Variants in CSMD1 observed in about 807,000 individuals in gnomAD.
CSMD1 encodes the protein CUB and sushi domain-containing protein 1.
A neutral mutation model predicts 417.5 loss-of-function variants in CSMD1; 213 were observed. That is an observed-to-expected ratio of 0.51 (90% CI 0.46 to 0.57). The LOEUF (loss-of-function observed/expected upper bound fraction) is 0.57. Ranked by LOEUF, CSMD1 falls within the 20% of genes least tolerant of loss-of-function variation. The probability of loss-of-function intolerance (pLI) is 0.00; values close to 1 mark genes in which losing one functional copy is unlikely to be tolerated. For synonymous variants in CSMD1, 2,862 were observed against 1,736.8 expected (o/e 1.65, Z -16.11); for missense variants, 6,923 against 4,529.7 (o/e 1.53, Z -15.17).
At chr8:2,993,317 C>T (rs774273448) in intron 54 of CSMD1, among the ~76,000 whole-genome samples, 1 of 152,266 alleles carries the variant, frequency 6.6e-6, no homozygotes, top group South Asian at 2.1e-4. Context: ...TCTAAATCAT[C>T]CCCCTTGTTG....
rs140087430 is a variant in CSMD1 at position 4,202,281 on chromosome 8, T to C, written c.416-170182A>G. On this transcript the variant is annotated intron_variant, in intron 3 of 69. Transcript: ENST00000635120. ...AAGATTTTATTCATGTTACTGATTA[T>C]GCTTTAAAAAAATGAAGCATCTGCC... 1.1e-3 allele frequency among the ~76,000 whole-genome samples: 172 copies of C among 152,284 alleles called. 3 individuals are homozygous for C. Among genetic ancestry groups the C allele is most frequent in the African/African-American group, 3.9e-3 (164 of 41,552 alleles).
chr8:4,701,065 G>T (rs181649361), intron 1 of CSMD1, among the ~76,000 whole-genome samples: 2 of 152,154 alleles, frequency 1.3e-5, no homozygotes, highest in African/African-American at 2.4e-5. Flanking sequence ...ACATCTGATA[G>T]ATGAGTTTTA....
intron 25 of CSMD1, among the ~76,000 whole-genome samples, chr8:3,285,106 T>A (rs1034057830): frequency 6.6e-6 from 1 of 152,146 alleles, no homozygotes; most frequent in African/African-American, 2.4e-5. Flanking sequence ...TTAGCAGCCC[T>A]GAATGGGTCT....
chr8:3,823,609 GAATCA>G (rs1364294189), intron 5 of CSMD1, among the ~76,000 whole-genome samples: 2 of 151,934 alleles, frequency 1.3e-5, no homozygotes, highest in Non-Finnish European at 2.9e-5. Context: ...ACTTATGCTT[GAATCA>G]AATAACATTT....
At chr8:4,475,866 C>A (rs546605204) in intron 2 of CSMD1, among the ~76,000 whole-genome samples, 1 of 152,040 alleles carries the variant, frequency 6.6e-6, no homozygotes, top group Non-Finnish European at 1.5e-5. Context: ...ACCTGCCTTA[C>A]GCTCCGAAAG....
intron 2 of CSMD1, among the ~76,000 whole-genome samples, chr8:4,601,638 G>A (rs1227103552): frequency 6.6e-6 from 1 of 152,138 alleles, no homozygotes; most frequent in East Asian, 1.9e-4. Context: ...ACAAAGTATG[G>A]CGGATGTCTC....
chr8:4,403,841 CTGAT>C (rs936402375), intron 3 of CSMD1, among the ~76,000 whole-genome samples: 2 of 152,116 alleles, frequency 1.3e-5, no homozygotes, highest in Non-Finnish European at 2.9e-5. Context: ...CATTGGGTGT[CTGAT>C]TGGGAATTTA....
At chr8:3,457,857 G>C (rs886292284) in intron 12 of CSMD1, among the ~76,000 whole-genome samples, 1 of 152,160 alleles carries the variant, frequency 6.6e-6, no homozygotes, top group Non-Finnish European at 1.5e-5. Flanking sequence ...AGATGTGGGA[G>C]AATGTTATCA....
intron 3 of CSMD1, among the ~76,000 whole-genome samples, chr8:4,150,221 CAG>C (rs1417956843): frequency 2.6e-5 from 4 of 152,160 alleles, no homozygotes; most frequent in African/African-American, 9.7e-5. Flanking sequence ...CCCAGGAAAA[CAG>C]GGCCATTTTT....
At chr8:3,491,102 T>C (rs150736169) in intron 11 of CSMD1, among the ~76,000 whole-genome samples, 1 of 152,152 alleles carries the variant, frequency 6.6e-6, no homozygotes, top group Non-Finnish European at 1.5e-5. Flanking sequence ...TACAAAGATA[T>C]TCACTTCACA....
intron 9 of CSMD1, among the ~76,000 whole-genome samples, chr8:3,585,036 G>T (rs747877461): frequency 6.6e-6 from 1 of 152,126 alleles, no homozygotes; most frequent in Non-Finnish European, 1.5e-5. Context: ...CATTTAAGAG[G>T]TGACAACTCG....
intron 10 of CSMD1, among the ~76,000 whole-genome samples, chr8:3,572,841 C>T (rs1800000104): frequency 6.6e-6 from 1 of 152,156 alleles, no homozygotes; most frequent in Non-Finnish European, 1.5e-5. Flanking sequence ...CTCAATTGTT[C>T]AGCTATTTCC....
intron 3 of CSMD1, among the ~76,000 whole-genome samples, chr8:4,053,870 TG>T (rs1488600690): frequency 2.0e-5 from 3 of 152,204 alleles, no homozygotes; most frequent in Non-Finnish European, 4.4e-5. Context: ...TGACTATACA[TG>T]AAATTAGTTG....
rs563859987 is a variant in CSMD1 at position 4,176,948 on chromosome 8, C to G, written c.416-144849G>C. 2.4e-3 allele frequency among the ~76,000 whole-genome samples: 364 copies of G among 151,056 alleles called. 3 individuals carry two copies. The highest frequency in any genetic ancestry group is 8.6e-3 in the African/African-American group (353 of 41,068). ...CATAAAGCAAGTCCTCAGTGACCTA[C>G]AAAGAGACTTAGACTCCCACACAAT... On this transcript the variant is annotated intron_variant, in intron 3 of 69. Transcript: ENST00000635120.
At chr8:4,303,665 T>A (rs528407568) in intron 3 of CSMD1, among the ~76,000 whole-genome samples, 1 of 152,084 alleles carries the variant, frequency 6.6e-6, no homozygotes, top group Non-Finnish European at 1.5e-5. Context: ...ATTTTTTATT[T>A]ATTTTTTTGA....
intron 5 of CSMD1, among the ~76,000 whole-genome samples, chr8:3,784,644 T>G (rs1799350204): frequency 6.6e-6 from 1 of 152,016 alleles, no homozygotes; most frequent in Non-Finnish European, 1.5e-5. Flanking sequence ...TAAATAGAAA[T>G]CTGTTTGGTT....
At chr8:4,057,753 G>T (rs1798771210) in intron 3 of CSMD1, among the ~76,000 whole-genome samples, 1 of 151,916 alleles carries the variant, frequency 6.6e-6, no homozygotes, top group Admixed American at 6.6e-5. Flanking sequence ...TCTACATATG[G>T]CTAGCCAGTT....
chr8:3,040,411 T>TATATAA (rs1171354273), intron 50 of CSMD1, among the ~76,000 whole-genome samples: 1 of 136,606 alleles, frequency 7.3e-6, no homozygotes, highest in Non-Finnish European at 1.6e-5. Context: ...TATATATATA[T>TATATAA]ATAACAGAAA....
At chr8:3,182,841 G>GT (rs1554454771) in intron 36 of CSMD1, 1 of 11,470 alleles carries the variant, frequency 8.7e-5, no homozygotes, top group East Asian at 6.0e-3. Flanking sequence ...TTTATAAGAA[G>GT]GTGTGTGTGT....
Sources: gnomAD v4.1 joint callset for allele counts (sites outside exome capture counted in the v4.1 genomes callset) on GRCh38, gnomAD v4.1.1 for gene constraint, MANE v1.5 for transcripts, NCBI Gene and HGNC (gene_info 2026-07-23, HGNC 2026-07-21) for gene names.